Variants in AFF4 observed in about 807,000 individuals in gnomAD.
The protein encoded by AFF4 is ALF transcription elongation factor 4.
A neutral mutation model predicts 124.8 loss-of-function variants in AFF4; 13 were observed. The observed-to-expected ratio is 0.10, with a 90% CI of 0.07 to 0.17. AFF4 has a LOEUF of 0.17. Among genes scored for constraint, AFF4 ranks in the 10% least tolerant of loss-of-function variants. AFF4 has a pLI of 1.00. For synonymous variants in AFF4, 477 were observed against 496.1 expected (o/e 0.96, Z 0.51); for missense variants, 1,092 against 1,403.8 (o/e 0.78, Z 3.55).
At chr5:132,946,336 G>C (rs1398251023) in intron 1 of AFF4, among the ~76,000 whole-genome samples, 2 of 152,192 alleles carry the variant, frequency 1.3e-5, no homozygotes, top group South Asian at 2.1e-4. Flanking sequence ...ACCGAAAGCA[G>C]AGACTCAAAC....
At chr5:132,902,385 T>G in intron 7 of AFF4, 57 bp downstream of exon 7, 10 of 1,372,998 alleles carry the variant, frequency 7.3e-6, no homozygotes, top group Non-Finnish European at 1.0e-5. Context: ...ACCTAGATAT[T>G]ACAGGTAACT....
At position 132,880,572 on chromosome 5, in the gene AFF4, C is replaced by T. The variant is rs803218; in HGVS notation, c.*487G>A. ...AGAAAGAATATGTCCTTATTTTAGACGAACCAATTCTTACTCTTAGAACAG... is the reference window on the plus strand; with the variant it reads ...AGAAAGAATATGTCCTTATTTTAGATGAACCAATTCTTACTCTTAGAACAG... On this transcript the variant is annotated 3_prime_UTR_variant, in exon 21 of 21. Coordinates refer to ENST00000265343, the MANE Select transcript of AFF4 (RefSeq NM_014423.4). The T allele has an allele frequency of 0.65, 247,211 of 380,124 alleles. 81,421 individuals carry two copies. Among genetic ancestry groups the T allele is most frequent in the South Asian group, 0.79 (5,415 of 6,860 alleles). The allele number at this position is 380,124 out of a possible 1,614,324, so 23.5% of individuals were successfully genotyped here. A position where few individuals can be genotyped will look rare whatever the true frequency, so the allele number is the denominator to read the frequency against.
intron 19 of AFF4, 89 bp from the exon 20 acceptor site, chr5:132,883,649 T>G (rs1019647318): frequency 8.5e-7 from 1 of 1,176,518 alleles, no homozygotes; most frequent in South Asian, 1.4e-5. Flanking sequence ...ATGAAAGCAT[T>G]TAAAATGTAA....
intron 3 of AFF4, among the ~76,000 whole-genome samples, chr5:132,932,757 G>C (rs981749475): frequency 6.6e-5 from 10 of 152,142 alleles, no homozygotes; most frequent in Non-Finnish European, 1.2e-4. Flanking sequence ...TACTAGTCTG[G>C]AACATGGACA....
At chr5:132,885,318 G>A (rs1171266929) in intron 18 of AFF4, among the ~76,000 whole-genome samples, 199 bp from the exon 19 acceptor site, 4 of 151,714 alleles carry the variant, frequency 2.6e-5, no homozygotes, top group Non-Finnish European at 5.9e-5. Flanking sequence ...AGAGCTGGGT[G>A]TTCTGGAAGA....
chr5:132,883,189 T>G lies in AFF4; in HGVS notation c.3364+151A>C, dbSNP rs1760028716. 2.6e-5 allele frequency: 20 copies of G among 758,648 alleles called. No individual in the cohort carries two copies. The South Asian group carries it at 4.1e-4, about 16-fold the overall frequency. 47.0% of individuals were successfully genotyped at this position (758,648 alleles called of 1,614,324 possible). The stretch of plus-strand genomic sequence containing the variant: ...GACCAAATTCAGTTTCATTTATTGT[T>G]TAACTGCTAAGCAATGAAGACTATT... On this transcript the variant is annotated intron_variant, in intron 20 of 20. Transcript: ENST00000265343.
chr5:132,950,776 G>A (rs527532607), intron 1 of AFF4, among the ~76,000 whole-genome samples: 9 of 152,092 alleles, frequency 5.9e-5, no homozygotes, highest in Non-Finnish European at 8.8e-5. Flanking sequence ...AAAAAAACTC[G>A]AATCTTCCTA....
At position 132,897,044 on chromosome 5, in the gene AFF4, G is replaced by C. The variant is rs188073736; in HGVS notation, c.1586C>G (p.Pro529Arg). Residue 529 changes from proline to arginine, a missense_variant, in exon 11 of 21, where the codon CCG (proline) becomes CGG (arginine). Physicochemically the swap from Pro to Arg is moderately radical, Grantham distance 103. Around this residue, in one of 11 missense-constraint regions of AFF4, gnomAD observed 174 missense variants for 205.9 expected, o/e 0.84. Coordinates refer to ENST00000265343, the MANE Select transcript of AFF4 (RefSeq NM_014423.4). ...SGPKETSSATPGRDSKTIQKG... is the reference protein window; with the variant it reads ...SGPKETSSATRGRDSKTIQKG... ...TTGGATGGTTTTGGAGTCTCGTCCCGGAGTAGCGGAACTCGTTTCTTTAGG... is the reference window on the plus strand; with the variant it reads ...TTGGATGGTTTTGGAGTCTCGTCCCCGAGTAGCGGAACTCGTTTCTTTAGG... 1 of 1,614,138 alleles carries C rather than the reference G, an allele frequency of 6.2e-7. No homozygotes were observed. The highest frequency in any genetic ancestry group is 1.3e-5 in the African/African-American group (1 of 75,032).
chr5:132,885,008 G>T, intron 19 of AFF4, 68 bp downstream of exon 19: 2 of 1,145,458 alleles, frequency 1.7e-6, no homozygotes, highest in Non-Finnish European at 2.5e-6. Flanking sequence ...TCCATTTTTG[G>T]AAATTGGACC....
rs149367340 is a variant in AFF4, at chr5:132,896,614, A to G, written c.2016T>C (p.Asn672=). ...SSQTPKYPES[N]RTPVKPSSVE... is the part of the protein sequence containing the mutation. ...CTGAGGAGGGTTTAACAGGAGTCCT[A>G]TTGCTCTCGGGGTACTTAGGAGTTT... Residue 672 remains asparagine, a synonymous_variant, in exon 11 of 21, where the codon AAT becomes AAC. Coordinates refer to ENST00000265343, the MANE Select transcript of AFF4 (RefSeq NM_014423.4). 62 of 1,613,848 alleles carry G rather than the reference A, an allele frequency of 3.8e-5. 2 individuals are homozygous for G. Among genetic ancestry groups the G allele is most frequent in the South Asian group, 9.9e-5 (9 of 91,076 alleles).
chr5:132,924,569 C>T (rs541114195), intron 5 of AFF4, among the ~76,000 whole-genome samples: 73 of 152,222 alleles, frequency 4.8e-4, no homozygotes, highest in African/African-American at 1.7e-3. Flanking sequence ...ACTCAAACTG[C>T]AGGCTGGGCG....
Position 132,934,338 on chromosome 5 carries a change from T to C in AFF4, c.727A>G (p.Met243Val), listed in dbSNP as rs1761369414. The change falls in exon 3 of 21, where the codon ATG becomes GTG. Residue 243 changes from methionine to valine, a missense_variant. Met to Val is a conservative substitution (Grantham distance 21). This residue lies in a region of AFF4 where 188 missense variants were observed against 203.0 expected (regional missense o/e 0.93). Coordinates refer to ENST00000265343, the MANE Select transcript of AFF4 (RefSeq NM_014423.4). ...TGTAACATTGAATTGGACTTTGACA[T>C]CAATGAGGGTGGGAAAGATTGAGTT... ...HSTQSFPPSL[M>V]SKSNSMLQKP... 6.2e-7 allele frequency: 1 copy of C among 1,614,012 alleles called. No individual in the cohort carries two copies. Among genetic ancestry groups the C allele is most frequent in the African/African-American group, 1.3e-5 (1 of 74,898 alleles).
intron 1 of AFF4, among the ~76,000 whole-genome samples, chr5:132,955,294 G>A (rs1263127825): frequency 6.6e-6 from 1 of 152,124 alleles, no homozygotes; most frequent in Non-Finnish European, 1.5e-5. Flanking sequence ...ATTCAGGCAG[G>A]AAAACAGGGA....
intron 1 of AFF4, among the ~76,000 whole-genome samples, chr5:132,961,321 G>C (rs1762077593): frequency 6.6e-6 from 1 of 151,982 alleles, no homozygotes; most frequent in Non-Finnish European, 1.5e-5. Flanking sequence ...GGCTAATTTG[G>C]TTCTCATGCC....
At chr5:132,899,242 T>G in intron 8 of AFF4, 101 bp from the exon 9 acceptor site, 1 of 1,117,720 alleles carries the variant, frequency 8.9e-7, no homozygotes, top group Non-Finnish European at 1.3e-6. Context: ...AACTGGATTC[T>G]CTAATGTATG....
intron 1 of AFF4, among the ~76,000 whole-genome samples, chr5:132,956,954 A>C (rs562698357): frequency 7.8e-6 from 1 of 128,272 alleles, no homozygotes; most frequent in Non-Finnish European, 1.6e-5. Flanking sequence ...TGGGAGGTGA[A>C]GGTTGTGGTG....
intron 1 of AFF4, 81 bp from the exon 2 acceptor site, chr5:132,937,274 A>G: frequency 1.4e-6 from 2 of 1,428,110 alleles, no homozygotes; most frequent in African/African-American, 1.4e-5. Flanking sequence ...TCAGCTTAAC[A>G]CTTCAATCAC....
At chr5:132,898,752 G>A (rs917908205) in intron 9 of AFF4, among the ~76,000 whole-genome samples, 7 of 152,202 alleles carry the variant, frequency 4.6e-5, no homozygotes, top group Non-Finnish European at 1.5e-5. Flanking sequence ...CCAAAGTGCT[G>A]GGATTACAGG....
At chr5:132,886,826 T>A (rs1161036584) in intron 17 of AFF4, among the ~76,000 whole-genome samples, 3 of 152,230 alleles carry the variant, frequency 2.0e-5, no homozygotes, top group Non-Finnish European at 4.4e-5. Context: ...ATCTCTCCAG[T>A]CACACCCACT....
Sources: gnomAD v4.1 joint callset for allele counts (sites outside exome capture counted in the v4.1 genomes callset) on GRCh38, gnomAD v4.1.1 for gene constraint, gnomAD v4.1.1 regional missense constraint, MANE v1.5 for transcripts, NCBI Gene and HGNC (gene_info 2026-07-23, HGNC 2026-07-21) for gene names.